BRINP2: variants seen among roughly 807,000 people sequenced by gnomAD.
BRINP2 encodes BMP/retinoic acid-inducible neural-specific protein 2.
A neutral mutation model predicts 69.2 loss-of-function variants in BRINP2; 21 were observed. That is an observed-to-expected ratio of 0.30 (90% confidence interval 0.22 to 0.44). The LOEUF is 0.44. Among genes scored for constraint, BRINP2 ranks in the 20% least tolerant of loss-of-function variants. The probability of loss-of-function intolerance (pLI) is 1.00; values close to 1 mark genes in which losing one functional copy is unlikely to be tolerated. For missense variants in BRINP2, 877 were observed against 986.0 expected (o/e 0.89, Z 1.48); for synonymous variants, 380 against 394.1 (o/e 0.96, Z 0.42).
intron 7 of BRINP2, among the ~76,000 whole-genome samples, chr1:177,279,139 T>A (rs974230000): frequency 6.6e-6 from 1 of 152,128 alleles, no homozygotes; most frequent in Non-Finnish European, 1.5e-5. Flanking sequence ...ACACACACAC[T>A]GGCTTGTGTC....
Position 177,171,690 on chromosome 1 carries a change from G to A in BRINP2, c.-119G>A, listed in dbSNP as rs2102281937. On this transcript the variant is annotated 5_prime_UTR_variant, in exon 1 of 8. Transcript: ENST00000361539. Reference sequence around the variant, plus strand: ...CTCCTCCCAGTCGTTGAAGGTTTGGGGAGCAGCTGATACAGCAAGGAGGGC... The same window carrying A: ...CTCCTCCCAGTCGTTGAAGGTTTGGAGAGCAGCTGATACAGCAAGGAGGGC... 1 of 152,334 alleles carries A rather than the reference G, an allele frequency of 6.6e-6. No individual in the cohort carries two copies. The highest frequency in any genetic ancestry group is 2.1e-4 in the South Asian group (1 of 4,814). The allele number at this position is 152,334 out of a possible 1,614,324, so 9.4% of individuals were successfully genotyped here.
intron 1 of BRINP2, among the ~76,000 whole-genome samples, chr1:177,199,183 C>T (rs1648831515): frequency 6.6e-6 from 1 of 152,134 alleles, no homozygotes; most frequent in Non-Finnish European, 1.5e-5. Flanking sequence ...AGTCTTAAAC[C>T]TTTAAACTTG....
At chr1:177,197,111 AAAG>A (rs1178882697) in intron 1 of BRINP2, among the ~76,000 whole-genome samples, 1 of 152,164 alleles carries the variant, frequency 6.6e-6, no homozygotes, top group Non-Finnish European at 1.5e-5. Flanking sequence ...TTTATAAAGA[AAAG>A]AAGTTTAAAA....
intron 2 of BRINP2, among the ~76,000 whole-genome samples, chr1:177,242,693 T>C (rs1358738443): frequency 6.6e-6 from 1 of 152,252 alleles, no homozygotes; most frequent in East Asian, 1.9e-4. Flanking sequence ...TGCTCTTCAC[T>C]AGGCTCTGAG....
chr1:177,195,662 G>A (rs186632536), intron 1 of BRINP2, among the ~76,000 whole-genome samples: 7 of 151,926 alleles, frequency 4.6e-5, no homozygotes, highest in East Asian at 3.9e-4. Context: ...TGGCAAGTGG[G>A]GGGGGAATCA....
intron 4 of BRINP2, among the ~76,000 whole-genome samples, chr1:177,266,758 T>TAAAAA (rs1223096305): frequency 1.3e-4 from 8 of 59,272 alleles, no homozygotes; most frequent in African/African-American, 1.9e-4. Flanking sequence ...AGACTCACTC[T>TAAAAA]AAAAAAAAAA....
chr1:177,267,252 C>G (rs1651157762), intron 4 of BRINP2, among the ~76,000 whole-genome samples: 4 of 152,100 alleles, frequency 2.6e-5, no homozygotes, highest in African/African-American at 7.2e-5. Flanking sequence ...CCTAGGCACA[C>G]GAACTTGGAA....
Position 177,280,900 on chromosome 1 carries a change from G to C in BRINP2, c.1724G>C (p.Cys575Ser). 6.2e-7 allele frequency: 1 copy of C among 1,614,208 alleles called. No homozygotes were observed. Among genetic ancestry groups the C allele is most frequent in the Non-Finnish European group, 8.5e-7 (1 of 1,180,036 alleles). ...HVMLALSLQI[C>S]LTKNSTLEPV... is the part of the protein sequence containing the mutation. ...ATGTTGGCCTTGTCCTTGCAGATCT[G>C]TCTCACCAAGAACAGCACCCTGGAG... Residue 575 changes from cysteine (C) to serine (S), a missense_variant, in exon 8 of 8, where the codon TGT becomes TCT. Physicochemically the swap from Cys to Ser is moderately radical, Grantham distance 112. Coordinates refer to ENST00000361539, the MANE Select transcript of BRINP2 (RefSeq NM_021165.4).
intron 1 of BRINP2, among the ~76,000 whole-genome samples, chr1:177,195,783 A>C (rs1423382690): frequency 6.6e-6 from 1 of 152,034 alleles, no homozygotes; most frequent in Non-Finnish European, 1.5e-5. Context: ...CAAGTGGAGA[A>C]AAACGTGTGG....
At chr1:177,248,866 C>A (rs1224062226) in intron 2 of BRINP2, among the ~76,000 whole-genome samples, 1 of 152,184 alleles carries the variant, frequency 6.6e-6, no homozygotes, top group African/African-American at 2.4e-5. Flanking sequence ...ATTTAGTATT[C>A]TCATCGGAGA....
In BRINP2 at chr1:177,276,222, A is replaced by G; in HGVS notation, c.800A>G (p.Tyr267Cys). ...LLGLQVLLPE[Y>C]LRERFVAAAL... Reference sequence around the variant, plus strand: ...GGCCTTCAGGTGCTGCTGCCTGAGTATCTGCGTGAGCGCTTTGTAGCTGCA... The same window carrying G: ...GGCCTTCAGGTGCTGCTGCCTGAGTGTCTGCGTGAGCGCTTTGTAGCTGCA... Residue 267 changes from tyrosine (Y) to cysteine (C), a missense_variant, in exon 6 of 8, where the codon TAT becomes TGT. Physicochemically the swap from Tyr to Cys is radical, Grantham distance 194. Around this residue, in one of 3 missense-constraint regions of BRINP2, gnomAD observed 566 missense variants for 625.2 expected, o/e 0.91. Coordinates refer to ENST00000361539, the MANE Select transcript of BRINP2 (RefSeq NM_021165.4). The G allele has an allele frequency of 1.9e-6, 3 of 1,613,786 alleles. No individual in the cohort carries two copies. The highest frequency in any genetic ancestry group is 2.5e-6 in the Non-Finnish European group (3 of 1,179,746).
chr1:177,268,253 C>G (rs1651190638), intron 4 of BRINP2, among the ~76,000 whole-genome samples: 1 of 152,204 alleles, frequency 6.6e-6, no homozygotes, highest in African/African-American at 2.4e-5. Context: ...ACTTACAGAT[C>G]CATACAGCAA....
intron 1 of BRINP2, among the ~76,000 whole-genome samples, chr1:177,194,227 C>T (rs1648673342): frequency 6.6e-6 from 1 of 152,182 alleles, no homozygotes; most frequent in Non-Finnish European, 1.5e-5. Flanking sequence ...GTTTTTCTCA[C>T]TAACATTTTT....
chr1:177,272,138 C>T (rs1047154352), intron 4 of BRINP2, among the ~76,000 whole-genome samples: 2 of 152,204 alleles, frequency 1.3e-5, no homozygotes, highest in African/African-American at 2.4e-5. Context: ...TCTCTTCCCA[C>T]CTGTCCACTC....
intron 1 of BRINP2, among the ~76,000 whole-genome samples, chr1:177,182,974 C>CT (rs1349163603): frequency 6.1e-5 from 9 of 148,458 alleles, no homozygotes; most frequent in East Asian, 4.0e-4. Context: ...TTTTTCTTTT[C>CT]TTTTTTTTCT....
chr1:177,255,499 A>G lies in BRINP2; in HGVS notation c.270-420A>G, dbSNP rs546664228. 1.4e-4 allele frequency among the ~76,000 whole-genome samples: 22 copies of G among 152,342 alleles called. 1 individual carries two copies. The highest frequency in any genetic ancestry group is 4.3e-4 in the African/African-American group (18 of 41,576). ...CAGTGGTTCTAGAGCAAGCTTCCTG[A>G]CTTCACAGGTGAGTAACTGAGGCCA... On this transcript the variant is annotated intron_variant, in intron 2 of 7. Coordinates refer to ENST00000361539, the MANE Select transcript of BRINP2 (RefSeq NM_021165.4).
chr1:177,248,709 G>A (rs189310208), intron 2 of BRINP2, among the ~76,000 whole-genome samples: 152 of 152,250 alleles, frequency 1.0e-3, no homozygotes, highest in African/African-American at 3.5e-3. Context: ...TCAGGCACGA[G>A]ACCCTGCAGG....
At chr1:177,241,396 A>G (rs528491688) in intron 2 of BRINP2, among the ~76,000 whole-genome samples, 3 of 152,116 alleles carry the variant, frequency 2.0e-5, no homozygotes, top group Non-Finnish European at 4.4e-5. Flanking sequence ...ATTTCTCTAG[A>G]ATAAGTCTAA....
chr1:177,191,251 T>C (rs1406623587), intron 1 of BRINP2, among the ~76,000 whole-genome samples: 1 of 152,158 alleles, frequency 6.6e-6, no homozygotes, highest in East Asian at 1.9e-4. Flanking sequence ...TAAGTCTTGG[T>C]TTGGGAGTGC....
Sources: gnomAD v4.1 joint callset for allele counts (sites outside exome capture counted in the v4.1 genomes callset) on GRCh38, gnomAD v4.1.1 for gene constraint, gnomAD v4.1.1 regional missense constraint, MANE v1.5 for transcripts, NCBI Gene and HGNC (gene_info 2026-07-23, HGNC 2026-07-21) for gene names.